UQCC1: variants seen among roughly 807,000 people sequenced by gnomAD.
UQCC1 encodes the protein bFGF-repressed Zic-binding protein.
A neutral mutation model predicts 48.0 loss-of-function variants in UQCC1; 38 were observed. That is an observed-to-expected ratio of 0.79 (90% CI 0.61 to 1.04). UQCC1 has a LOEUF of 1.04. Ranked by LOEUF, UQCC1 falls within the 50% of genes least tolerant of loss-of-function variation. UQCC1 has a pLI of 0.00. For missense variants in UQCC1, 368 were observed against 381.8 expected, an observed-to-expected ratio of 0.96 and a Z score of 0.30; for synonymous variants, 111 against 129.2, an observed-to-expected ratio of 0.86 and a Z score of 0.95.
chr20:35,338,463 T>A (rs2061337071), intron 7 of UQCC1, among the ~76,000 whole-genome samples: 1 of 152,178 alleles, frequency 6.6e-6, no homozygotes, highest in East Asian at 1.9e-4. Context: ...TCTAGCTGTA[T>A]GACCTTGGCC....
chr20:35,373,979 C>G (rs2061765178), intron 5 of UQCC1, among the ~76,000 whole-genome samples: 1 of 152,090 alleles, frequency 6.6e-6, no homozygotes, highest in Non-Finnish European at 1.5e-5. Flanking sequence ...TTTAGGCCAG[C>G]CCGGGCAACA....
intron 2 of UQCC1, among the ~76,000 whole-genome samples, chr20:35,385,222 A>G (rs1320338105): frequency 6.6e-6 from 1 of 152,186 alleles, no homozygotes; most frequent in East Asian, 1.9e-4. Flanking sequence ...TAAGATATAT[A>G]AAGTGCCTTT....
intron 7 of UQCC1, among the ~76,000 whole-genome samples, chr20:35,340,156 G>T (rs1388365881): frequency 6.6e-6 from 1 of 152,096 alleles, no homozygotes; most frequent in Non-Finnish European, 1.5e-5. Context: ...GACAGGACTG[G>T]CACCCTGACT....
At chr20:35,308,935 C>T (rs1414384035) in intron 8 of UQCC1, among the ~76,000 whole-genome samples, 3 of 152,154 alleles carry the variant, frequency 2.0e-5, no homozygotes, top group Non-Finnish European at 2.9e-5. Context: ...AGGGTGGTCT[C>T]GAACTCCTGA....
chr20:35,361,419 C>T (rs2146426641), intron 6 of UQCC1, among the ~76,000 whole-genome samples: 1 of 152,126 alleles, frequency 6.6e-6, no homozygotes, highest in South Asian at 2.1e-4. Context: ...CCTCTCATTG[C>T]ACCTATCACA....
intron 6 of UQCC1, among the ~76,000 whole-genome samples, chr20:35,359,365 T>C (rs1263760190): frequency 6.6e-6 from 1 of 152,208 alleles, no homozygotes; most frequent in East Asian, 1.9e-4. Context: ...CATTCTGTGA[T>C]AGCACCAAGA....
chr20:35,373,092 A>C (rs1468463712), intron 5 of UQCC1, among the ~76,000 whole-genome samples: 14 of 152,188 alleles, frequency 9.2e-5, no homozygotes, highest in Non-Finnish European at 1.9e-4. Flanking sequence ...AAATGATTTA[A>C]TCTCTCCCAA....
intron 7 of UQCC1, among the ~76,000 whole-genome samples, chr20:35,324,323 ATTT>A (rs920153402): frequency 6.6e-6 from 1 of 151,390 alleles, no homozygotes; most frequent in Non-Finnish European, 1.5e-5. Context: ...CACCCAGCTA[ATTT>A]TTTTTTCTTT....
intron 7 of UQCC1, among the ~76,000 whole-genome samples, chr20:35,343,378 G>A (rs1387926777): frequency 6.6e-6 from 1 of 152,098 alleles, no homozygotes; most frequent in Admixed American, 6.5e-5. Flanking sequence ...GGCCAGACTG[G>A]CTCTACACTG....
At chr20:35,304,956 G>A (rs1237028985) in intron 9 of UQCC1, among the ~76,000 whole-genome samples, 1 of 152,030 alleles carries the variant, frequency 6.6e-6, no homozygotes, top group Non-Finnish European at 1.5e-5. Context: ...CTCCATTTCT[G>A]CCCCCAGTGC....
chr20:35,407,488 C>G (rs1232566565), intron 1 of UQCC1, among the ~76,000 whole-genome samples: 2 of 151,376 alleles, frequency 1.3e-5, no homozygotes, highest in Non-Finnish European at 2.9e-5. Flanking sequence ...AAATTTAAAA[C>G]TTTTGTGTAT....
intron 2 of UQCC1, among the ~76,000 whole-genome samples, chr20:35,387,042 C>T (rs1383169727): frequency 1.3e-5 from 2 of 151,692 alleles, no homozygotes; most frequent in African/African-American, 2.4e-5. Flanking sequence ...TTTGGGAGGC[C>T]GAGGCGGGAG....
intron 1 of UQCC1, among the ~76,000 whole-genome samples, chr20:35,398,656 T>C (rs899732300): frequency 1.3e-5 from 2 of 148,306 alleles, no homozygotes; most frequent in Admixed American, 6.8e-5. Flanking sequence ...TTACAAACAC[T>C]GACAGATTTA....
At chr20:35,306,871 G>GA (rs758581316) in intron 8 of UQCC1, 92 bp from the exon 9 acceptor site, 2 of 1,033,470 alleles carry the variant, frequency 1.9e-6, no homozygotes, top group African/African-American at 3.1e-5. Flanking sequence ...AGCAACCATG[G>GA]AATCAGCTCA....
chr20:35,391,650 A>G (rs1394669687), intron 2 of UQCC1, among the ~76,000 whole-genome samples: 1 of 152,072 alleles, frequency 6.6e-6, no homozygotes, highest in African/African-American at 2.4e-5. Context: ...AAAAAAATGA[A>G]AATTTAACAG....
chr20:35,304,062 T>C lies in UQCC1; in HGVS notation c.773A>G (p.Tyr258Cys). 1 of 1,613,960 alleles carries C rather than the reference T, an allele frequency of 6.2e-7. No individual in the cohort carries two copies. Among genetic ancestry groups the C allele is most frequent in the Non-Finnish European group, 8.5e-7 (1 of 1,179,950 alleles). Residue 258 changes from tyrosine (Y) to cysteine (C), a missense_variant, in exon 10 of 10, where the codon TAC (tyrosine) becomes TGC (cysteine). Tyr to Cys is a radical substitution (Grantham distance 194). Transcript: ENST00000374385. Reference protein sequence around the residue: ...LVEYVRKQIQYLDSMNGEDLL... With the variant: ...LVEYVRKQIQCLDSMNGEDLL... The stretch of plus-strand genomic sequence containing the variant: ...ATCCTCCCCGTTCATGGAGTCCAGG[T>C]ACTGTATCTGCAACCAGGGGAGGGG...
intron 6 of UQCC1, among the ~76,000 whole-genome samples, chr20:35,355,011 C>T (rs2061530477): frequency 6.6e-6 from 1 of 152,070 alleles, no homozygotes; most frequent in African/African-American, 2.4e-5. Flanking sequence ...ACGGCACACT[C>T]ACACCCACAC....
chr20:35,379,226 A>G (rs1362321252), intron 4 of UQCC1, among the ~76,000 whole-genome samples: 1 of 152,264 alleles, frequency 6.6e-6, no homozygotes, highest in East Asian at 1.9e-4. Context: ...AAACATGATT[A>G]TCAAACATGG....
chr20:35,314,153 G>T (rs542611027), intron 8 of UQCC1, among the ~76,000 whole-genome samples: 6 of 151,182 alleles, frequency 4.0e-5, no homozygotes, highest in Non-Finnish European at 7.4e-5. Flanking sequence ...TTAGTGACAC[G>T]GGGTTTCACC....
Sources: allele counts gnomAD v4.1 joint callset (sites outside exome capture counted in the v4.1 genomes callset), GRCh38; gene constraint gnomAD v4.1.1; transcripts MANE v1.5; gene names NCBI Gene and HGNC (gene_info 2026-07-23, HGNC 2026-07-21).